The following PPP2R2B variants were observed in gnomAD, a reference collection of about 807,000 sequenced individuals.
PPP2R2B encodes the protein serine/threonine-protein phosphatase 2A 55 kDa regulatory subunit B beta isoform.
A neutral mutation model predicts 46.0 loss-of-function variants in PPP2R2B; 5 were observed. That is an observed-to-expected ratio of 0.11 (90% CI 0.06 to 0.23). PPP2R2B has a LOEUF of 0.23. PPP2R2B is among the 10% of genes least tolerant of loss of function. The pLI is 1.00. For missense variants in PPP2R2B, 367 were observed against 575.0 expected, an observed-to-expected ratio of 0.64 and a Z score of 3.70; for synonymous variants, 215 against 206.7, an observed-to-expected ratio of 1.04 and a Z score of -0.34.
chr5:146,859,429 G>C (rs375331591), intron 2 of PPP2R2B, among the ~76,000 whole-genome samples: 63 of 152,308 alleles, frequency 4.1e-4, no homozygotes, highest in African/African-American at 1.3e-3. Flanking sequence ...CAATTCTTAA[G>C]AGTTGAAAAC....
intron 1 of PPP2R2B, among the ~76,000 whole-genome samples, chr5:146,971,724 C>T (rs1031278352): frequency 6.6e-6 from 1 of 152,106 alleles, no homozygotes; most frequent in Non-Finnish European, 1.5e-5. Context: ...ATACTGTTTT[C>T]CTACAGCATT....
At chr5:146,988,107 C>A (rs929872442) in intron 1 of PPP2R2B, among the ~76,000 whole-genome samples, 1 of 151,862 alleles carries the variant, frequency 6.6e-6, no homozygotes, top group South Asian at 2.1e-4. Context: ...ACTAGAGTAC[C>A]TAATTATATA....
chr5:147,008,786 T>G (rs1468638289), intron 1 of PPP2R2B, among the ~76,000 whole-genome samples: 1 of 152,144 alleles, frequency 6.6e-6, no homozygotes, highest in Non-Finnish European at 1.5e-5. Flanking sequence ...GTTCTTTACA[T>G]CCCACTGAAG....
At chr5:146,882,731 GT>G (rs1467862057), upstream of PPP2R2B, among the ~76,000 whole-genome samples, 3 of 152,214 alleles carry the variant, frequency 2.0e-5, no homozygotes, top group Non-Finnish European at 1.5e-5. Flanking sequence ...TGTATAAGAT[GT>G]AGTCAGTCTC....
At chr5:146,982,550 G>T (rs1356100102) in intron 1 of PPP2R2B, among the ~76,000 whole-genome samples, 1 of 152,156 alleles carries the variant, frequency 6.6e-6, no homozygotes, top group African/African-American at 2.4e-5. Flanking sequence ...ATTAGATCCT[G>T]TCGGTTGATG....
At chr5:147,071,717 C>T (rs909731478) in intron 2 of PPP2R2B, among the ~76,000 whole-genome samples, 7 of 152,082 alleles carry the variant, frequency 4.6e-5, no homozygotes, top group Non-Finnish European at 8.8e-5. Flanking sequence ...TAAAAGAGAA[C>T]ACCATATCCC....
At chr5:146,668,745 T>G (rs1281895881) in intron 5 of PPP2R2B, among the ~76,000 whole-genome samples, 1 of 152,186 alleles carries the variant, frequency 6.6e-6, no homozygotes, top group Non-Finnish European at 1.5e-5. Flanking sequence ...GCTCTGTCCT[T>G]TTAGAACTCT....
At chr5:146,748,842 T>C (rs1161610017) in intron 2 of PPP2R2B, among the ~76,000 whole-genome samples, 1 of 152,236 alleles carries the variant, frequency 6.6e-6, no homozygotes, top group East Asian at 1.9e-4. Context: ...CTATAAACAT[T>C]GTGTACAGGT....
intron 2 of PPP2R2B, among the ~76,000 whole-genome samples, chr5:146,860,797 T>C (rs1431304493): frequency 6.6e-6 from 1 of 152,160 alleles, no homozygotes; most frequent in Non-Finnish European, 1.5e-5. Flanking sequence ...TGCAATTGAT[T>C]TTCACTGACT....
chr5:146,760,395 A>T (rs1396412390), intron 2 of PPP2R2B, among the ~76,000 whole-genome samples: 10 of 152,166 alleles, frequency 6.6e-5, no homozygotes. Flanking sequence ...CTATTTAAGC[A>T]AACAAGCAGC....
chr5:146,794,592 C>T (rs147347143), intron 2 of PPP2R2B, among the ~76,000 whole-genome samples: 4 of 152,078 alleles, frequency 2.6e-5, no homozygotes, highest in South Asian at 2.1e-4. Flanking sequence ...CTCAGAAATG[C>T]GCATATAACT....
chr5:146,893,210 C>G (rs1762542962), intron 1 of PPP2R2B, among the ~76,000 whole-genome samples: 1 of 152,196 alleles, frequency 6.6e-6, no homozygotes, highest in South Asian at 2.1e-4. Flanking sequence ...CTCCTACTTC[C>G]AGTGGTTAAC....
intron 2 of PPP2R2B, among the ~76,000 whole-genome samples, chr5:146,743,276 A>G (rs904154617): frequency 2.6e-5 from 4 of 152,078 alleles, no homozygotes; most frequent in Admixed American, 1.3e-4. Context: ...TCACCATTCA[A>G]ATAGGATTTT....
intron 2 of PPP2R2B, among the ~76,000 whole-genome samples, chr5:146,735,662 A>G (rs974917146): frequency 6.6e-6 from 1 of 152,176 alleles, no homozygotes; most frequent in East Asian, 1.9e-4. Context: ...TGGAATGGCT[A>G]TGGAGTGGCC....
At chr5:146,815,680 C>T (rs1469057822) in intron 2 of PPP2R2B, among the ~76,000 whole-genome samples, 6 of 152,182 alleles carry the variant, frequency 3.9e-5, no homozygotes, top group Admixed American at 3.3e-4. Context: ...TTGCAGCCTG[C>T]GGGCTCCTGG....
chr5:146,626,528 G>T (rs1442083575), intron 7 of PPP2R2B, among the ~76,000 whole-genome samples: 1 of 152,194 alleles, frequency 6.6e-6, no homozygotes, highest in African/African-American at 2.4e-5. Flanking sequence ...GGCTCTAACA[G>T]GCCAATGCCT....
chr5:146,915,030 C>A (rs1013270023), intron 1 of PPP2R2B, among the ~76,000 whole-genome samples: 3 of 152,106 alleles, frequency 2.0e-5, no homozygotes, highest in Admixed American at 6.5e-5. Flanking sequence ...TTCTTTTATT[C>A]TCCATATCAA....
chr5:146,996,058 A>G (rs1439099562), intron 1 of PPP2R2B, among the ~76,000 whole-genome samples: 1 of 152,204 alleles, frequency 6.6e-6, no homozygotes, highest in African/African-American at 2.4e-5. Context: ...ATCCTGGAAT[A>G]AGGATAAACA....
At position 147,052,607 on chromosome 5, in the gene PPP2R2B, C is replaced by G. The variant is rs17105849; in HGVS notation, c.79+3058G>C. ...GGGGCAGAAGGAAAAGAAAAGCAGC[C>G]CAAAAGTCTATGGTGGAAGGGAGAA... On this transcript the variant is annotated intron_variant, in intron 1 of 8. Coordinates refer to the PPP2R2B transcript ENST00000336640. Among the ~76,000 whole-genome samples, 959 of 152,120 alleles carry G rather than the reference C, an allele frequency of 6.3e-3. 23 individuals are homozygous for G. The highest frequency in any genetic ancestry group is 0.045 in the East Asian group (234 of 5,164).
Sources: gnomAD v4.1 joint callset for allele counts (sites outside exome capture counted in the v4.1 genomes callset) on GRCh38, gnomAD v4.1.1 for gene constraint, MANE v1.5 for transcripts, NCBI Gene and HGNC (gene_info 2026-07-23, HGNC 2026-07-21) for gene names.